Variants in TCF12 observed in about 807,000 individuals in gnomAD.
The protein encoded by TCF12 is transcription factor 12.
In TCF12, 45 loss-of-function variants were observed where a neutral mutation model predicts 86.0. That is an observed-to-expected ratio of 0.52 (90% confidence interval 0.41 to 0.67). TCF12 has a LOEUF of 0.67. Among genes scored for constraint, TCF12 ranks in the 30% least tolerant of loss-of-function variants. The pLI is 0.00. For synonymous variants in TCF12, 330 were observed against 299.6 expected (o/e 1.10, Z -1.05); for missense variants, 881 against 859.9 (o/e 1.02, Z -0.31).
Position 57,142,070 on chromosome 15 carries a change from G to A in TCF12, c.326-24332G>A, listed in dbSNP as rs145526498. Among the ~76,000 whole-genome samples the A allele has an allele frequency of 1.2e-3, 181 of 152,282 alleles. 1 individual carries two copies. Among genetic ancestry groups the A allele is most frequent in the African/African-American group, 4.1e-3 (171 of 41,548 alleles). ...AGTGATCACAGCAAAAACAAGAGGA[G>A]GTGAGATAAGAGCTTCTGTGCAGTA... On this transcript the variant is annotated intron_variant, in intron 5 of 20. Coordinates refer to ENST00000333725, the MANE Select transcript of TCF12 (RefSeq NM_207037.2).
At chr15:57,107,312 T>TGTAAGTGCAGATTACTAC (rs2050199975) in intron 5 of TCF12, among the ~76,000 whole-genome samples, 1 of 152,186 alleles carries the variant, frequency 6.6e-6, no homozygotes, top group South Asian at 2.1e-4. Context: ...CAGATTACTG[T>TGTAAGTGCAGATTACTAC]GTGAAACAAG....
In TCF12 at chr15:57,277,125, A is replaced by C. The variant is rs113049107; in HGVS notation, c.1978+3863A>C. ...CTGGCCAGTTTCAACCTAGAATTCT[A>C]TACCTTGCCAGACAATTAATCAAAA... On this transcript the variant is annotated intron_variant, in intron 19 of 20. Transcript: ENST00000333725. 3.8e-3 allele frequency among the ~76,000 whole-genome samples: 583 copies of C among 152,250 alleles called. 5 individuals carry two copies. The highest frequency in any genetic ancestry group is 0.013 in the African/African-American group (536 of 41,544).
intron 3 of TCF12, among the ~76,000 whole-genome samples, chr15:57,005,592 G>A (rs1233811497): frequency 1.3e-5 from 2 of 152,098 alleles, no homozygotes; most frequent in Non-Finnish European, 2.9e-5. Flanking sequence ...TTTGTAGACA[G>A]GGCCTTGGTC....
chr15:57,169,713 G>A (rs2055170550), intron 6 of TCF12, among the ~76,000 whole-genome samples: 1 of 152,092 alleles, frequency 6.6e-6, no homozygotes. Context: ...ACTATTGTAA[G>A]CTTTTTGAGA....
intron 8 of TCF12, among the ~76,000 whole-genome samples, chr15:57,212,643 G>A (rs2058161479): frequency 6.6e-6 from 1 of 152,144 alleles, no homozygotes; most frequent in Non-Finnish European, 1.5e-5. Context: ...GAGTCTGAGA[G>A]ACAAAAATCT....
At chr15:56,969,651 C>T (rs2062188479) in intron 3 of TCF12, among the ~76,000 whole-genome samples, 1 of 151,610 alleles carries the variant, frequency 6.6e-6, no homozygotes, top group African/African-American at 2.4e-5. Context: ...AATCCTCCCA[C>T]CTCGGCCTCT....
chr15:57,029,355 CTTTG>C (rs1209585641), intron 3 of TCF12, among the ~76,000 whole-genome samples: 2 of 151,964 alleles, frequency 1.3e-5, no homozygotes, highest in African/African-American at 4.8e-5. Flanking sequence ...GCCTACCTGA[CTTTG>C]TTTTTCTTTT....
chr15:57,276,836 G>A (rs1028724606), intron 19 of TCF12, among the ~76,000 whole-genome samples: 30 of 120,958 alleles, frequency 2.5e-4, no homozygotes, highest in East Asian at 2.1e-3. Flanking sequence ...GCCGAGTCTC[G>A]CCCTGTCACC....
intron 6 of TCF12, among the ~76,000 whole-genome samples, chr15:57,170,744 A>ATG: frequency 2.8e-5 from 1 of 35,610 alleles, no homozygotes; most frequent in Non-Finnish European, 5.2e-5. Context: ...TATAATATAT[A>ATG]TTATATATTA....
At chr15:57,088,041 A>G (rs754501664) in intron 4 of TCF12, among the ~76,000 whole-genome samples, 1 of 152,270 alleles carries the variant, frequency 6.6e-6, no homozygotes, top group Non-Finnish European at 1.5e-5. Flanking sequence ...ATCATTGTAT[A>G]TTTAATGATG....
In TCF12 at chr15:57,033,079, A is replaced by G. The variant is rs965039858; in HGVS notation, c.149-30671A>G. Among the ~76,000 whole-genome samples the G allele has an allele frequency of 8.5e-5, 13 of 152,328 alleles. No homozygotes were observed. The East Asian group carries it at 9.6e-4, about 11-fold the overall frequency. On this transcript the variant is annotated intron_variant, in intron 3 of 20. Transcript: ENST00000333725. Reference sequence around the variant, plus strand: ...GACTCAATAACAGAATGGAGATGAAAGAGGAAAGAGTGAATAAAGATAGGT... The same window carrying G: ...GACTCAATAACAGAATGGAGATGAAGGAGGAAAGAGTGAATAAAGATAGGT...
chr15:57,226,029 A>G (rs1366864697), intron 8 of TCF12, among the ~76,000 whole-genome samples: 3 of 124,288 alleles, frequency 2.4e-5, no homozygotes, highest in Non-Finnish European at 3.2e-5. Context: ...AGATTAATCA[A>G]TTTAAATTAA....
intron 19 of TCF12, among the ~76,000 whole-genome samples, chr15:57,275,982 A>T (rs973469824): frequency 6.6e-6 from 1 of 152,148 alleles, no homozygotes; most frequent in Non-Finnish European, 1.5e-5. Context: ...TCATGACTAC[A>T]ACGTTATTTG....
intron 3 of TCF12, among the ~76,000 whole-genome samples, chr15:56,928,357 C>A (rs2060106270): frequency 6.6e-6 from 1 of 152,010 alleles, no homozygotes. Flanking sequence ...TATTAGAAAT[C>A]ATTATAAAGC....
intron 19 of TCF12, among the ~76,000 whole-genome samples, chr15:57,280,051 G>A (rs1472582934): frequency 2.6e-5 from 4 of 151,876 alleles, no homozygotes; most frequent in East Asian, 3.9e-4. Context: ...CCGCCACCAC[G>A]CCTGGCTCAC....
At chr15:57,138,925 TTAAG>T (rs1388269164) in intron 5 of TCF12, among the ~76,000 whole-genome samples, 2 of 152,172 alleles carry the variant, frequency 1.3e-5, no homozygotes, top group Non-Finnish European at 2.9e-5. Context: ...TGAGAAAAAT[TTAAG>T]TAAGTGAATA....
intron 4 of TCF12, among the ~76,000 whole-genome samples, chr15:57,087,516 AG>A (rs2048730557): frequency 6.6e-6 from 1 of 151,886 alleles, no homozygotes; most frequent in African/African-American, 2.4e-5. Context: ...ATACTGTAGC[AG>A]GGGTTAACAT....
intron 3 of TCF12, among the ~76,000 whole-genome samples, chr15:57,026,241 A>C (rs1272682001): frequency 1.3e-5 from 2 of 152,196 alleles, no homozygotes; most frequent in African/African-American, 4.8e-5. Context: ...ATTTGTAAAA[A>C]CAGATAGTGG....
At chr15:57,289,882 C>T (rs982152371), downstream of TCF12, 2 of 152,128 alleles carry the variant, frequency 1.3e-5, no homozygotes, top group Admixed American at 6.5e-5. Context: ...TTCAGCCATC[C>T]TGTCAGAGGT....
Sources: gnomAD v4.1 joint callset for allele counts (sites outside exome capture counted in the v4.1 genomes callset) on GRCh38, gnomAD v4.1.1 for gene constraint, MANE v1.5 for transcripts, NCBI Gene and HGNC (gene_info 2026-07-23, HGNC 2026-07-21) for gene names.